The following KCNIP1 variants were observed in gnomAD, a reference collection of about 807,000 sequenced individuals.
The protein encoded by KCNIP1 is potassium voltage-gated channel interacting protein 1, also known as A-type potassium channel modulatory protein KCNIP1.
In KCNIP1, 18 loss-of-function variants were observed where a neutral mutation model predicts 33.0. That is an observed-to-expected ratio of 0.55 (90% CI 0.38 to 0.81). KCNIP1 has a LOEUF of 0.81. Among genes scored for constraint, KCNIP1 ranks in the 30% least tolerant of loss-of-function variants. The pLI, the probability that KCNIP1 is intolerant of heterozygous loss-of-function variation, is 0.00. For synonymous variants in KCNIP1, 93 were observed against 98.3 expected (o/e 0.95, Z 0.32); for missense variants, 238 against 271.6 (o/e 0.88, Z 0.87).
intron 1 of KCNIP1, chr5:170,422,062 G>A (rs1243256080): frequency 6.6e-6 from 1 of 152,200 alleles, no homozygotes; most frequent in African/African-American, 2.4e-5. Context: ...TCAGCACCAT[G>A]CTGTCCTCAG....
intron 1 of KCNIP1, among the ~76,000 whole-genome samples, chr5:170,631,163 CAA>C (rs2113671481): frequency 6.6e-6 from 1 of 152,272 alleles, no homozygotes; most frequent in South Asian, 2.1e-4. Context: ...TTGCCTGGTA[CAA>C]GAGAGAGAAC....
intron 1 of KCNIP1, among the ~76,000 whole-genome samples, chr5:170,663,278 C>G (rs536896641): frequency 6.6e-6 from 1 of 152,168 alleles, no homozygotes; most frequent in African/African-American, 2.4e-5. Flanking sequence ...AAAGTCCCAG[C>G]CTTTAAATCA....
In KCNIP1 at chr5:170,695,441, G is replaced by C. The variant is rs141358167; in HGVS notation, c.62-23317G>C. On this transcript the variant is annotated intron_variant, in intron 1 of 7. Coordinates refer to ENST00000328939, the MANE Select transcript of KCNIP1 (RefSeq NM_014592.4). ...CAGAAGCTCCCTATTTGCCCCATTTGATTCATTACTCCCCAAAGGTAACTG... is the reference window on the plus strand; with the variant it reads ...CAGAAGCTCCCTATTTGCCCCATTTCATTCATTACTCCCCAAAGGTAACTG... Among the ~76,000 whole-genome samples, 16 of 152,306 alleles carry C rather than the reference G, an allele frequency of 1.1e-4. No individual in the cohort carries two copies. The East Asian group carries it at 3.1e-3, about 29-fold the overall frequency.
chr5:170,597,421 C>A lies in KCNIP1; in HGVS notation c.61+92788C>A, dbSNP rs535382005. Among the ~76,000 whole-genome samples, 42 of 152,254 alleles carry A rather than the reference C, an allele frequency of 2.8e-4. No homozygotes were observed. In the South Asian group the frequency reaches 7.9e-3, roughly 29 times the overall value. ...TGAGCCTTATTTCCTGAGCGCTCTC[C>A]CTTTATCTGTGCTTGCAAAGAGGCG... On this transcript the variant is annotated intron_variant, in intron 1 of 7. Coordinates refer to ENST00000328939, the MANE Select transcript of KCNIP1 (RefSeq NM_014592.4).
At chr5:170,385,829 G>A (rs1443216660) in intron 1 of KCNIP1, among the ~76,000 whole-genome samples, 1 of 151,958 alleles carries the variant, frequency 6.6e-6, no homozygotes, top group African/African-American at 2.4e-5. Flanking sequence ...TAAGATAAAG[G>A]CTCTTGAAGG....
chr5:170,467,067 T>C (rs1756623318), intron 1 of KCNIP1, among the ~76,000 whole-genome samples: 1 of 152,140 alleles, frequency 6.6e-6, no homozygotes. Context: ...TGACTATCAC[T>C]GGTTACCTTA....
At chr5:170,577,903 T>C (rs1431769141) in intron 1 of KCNIP1, among the ~76,000 whole-genome samples, 1 of 152,256 alleles carries the variant, frequency 6.6e-6, no homozygotes, top group Non-Finnish European at 1.5e-5. Context: ...ATGTGACGAA[T>C]TTTTTAATCA....
chr5:170,516,246 A>C (rs2113285831), intron 1 of KCNIP1, among the ~76,000 whole-genome samples: 1 of 152,292 alleles, frequency 6.6e-6, no homozygotes, highest in East Asian at 1.9e-4. Flanking sequence ...TGATCACTGC[A>C]GCTTACATTT....
intron 1 of KCNIP1, among the ~76,000 whole-genome samples, chr5:170,511,733 C>T (rs962495330): frequency 6.6e-6 from 1 of 152,272 alleles, no homozygotes; most frequent in Non-Finnish European, 1.5e-5. Context: ...GTTGAGGAAC[C>T]TGAGGCTCTA....
intron 1 of KCNIP1, among the ~76,000 whole-genome samples, chr5:170,462,161 G>T (rs1055108293): frequency 3.3e-5 from 5 of 149,924 alleles, no homozygotes; most frequent in Admixed American, 6.7e-5. Context: ...TGAACAGTCA[G>T]CAGAGTAAAC....
chr5:170,607,032 C>T (rs1758948931), intron 1 of KCNIP1, among the ~76,000 whole-genome samples: 1 of 152,208 alleles, frequency 6.6e-6, no homozygotes, highest in Non-Finnish European at 1.5e-5. Flanking sequence ...GATGTGTTCT[C>T]AAGCGGGCAA....
chr5:170,439,972 G>A lies in KCNIP1; in HGVS notation c.88+86008G>A, dbSNP rs547252160. Among the ~76,000 whole-genome samples the A allele has an allele frequency of 4.6e-5, 7 of 152,324 alleles. No homozygotes were observed. The South Asian group carries it at 6.2e-4, about 14-fold the overall frequency. On this transcript the variant is annotated intron_variant, in intron 1 of 7. Transcript: ENST00000377360. Reference sequence around the variant, plus strand: ...TGAGTTCTGTCTTCCCCAAACTCACGTGCTGAAGGCAGGACCTTGCAATGG... The same window carrying A: ...TGAGTTCTGTCTTCCCCAAACTCACATGCTGAAGGCAGGACCTTGCAATGG...
rs1228987804 is a variant in KCNIP1, at chr5:170,440,578, A to G, written c.88+86614A>G. ...CCAGGAGCATGAGGATGCTGAGACTACAGGACTACAGATGGAGGGTGTTTC... is the reference window on the plus strand; with the variant it reads ...CCAGGAGCATGAGGATGCTGAGACTGCAGGACTACAGATGGAGGGTGTTTC... On this transcript the variant is annotated intron_variant, in intron 1 of 7. Transcript: ENST00000377360. 2.0e-5 allele frequency among the ~76,000 whole-genome samples: 3 copies of G among 152,186 alleles called. No individual in the cohort carries two copies. The East Asian group carries it at 5.8e-4, about 29-fold the overall frequency.
chr5:170,498,898 G>A (rs1372573969), intron 1 of KCNIP1, among the ~76,000 whole-genome samples: 1 of 152,116 alleles, frequency 6.6e-6, no homozygotes, highest in Non-Finnish European at 1.5e-5. Flanking sequence ...CATGGGACTG[G>A]GTTCATATGA....
rs140134717 is a variant in KCNIP1 at position 170,453,846 on chromosome 5, C to T, written c.88+99882C>T. ...CAGCAAACACCCAGCAAGAAACAGA[C>T]GTCCTTGGTTCTACACATACAGGAA... On this transcript the variant is annotated intron_variant, in intron 1 of 7. Transcript: ENST00000377360. Among the ~76,000 whole-genome samples, 53 of 152,232 alleles carry T rather than the reference C, an allele frequency of 3.5e-4. No individual in the cohort carries two copies. In the East Asian group the frequency reaches 7.7e-3, roughly 22 times the overall value.
intron 1 of KCNIP1, among the ~76,000 whole-genome samples, chr5:170,490,185 C>A (rs761906296): frequency 6.6e-6 from 1 of 152,220 alleles, no homozygotes; most frequent in Non-Finnish European, 1.5e-5. Flanking sequence ...TCATGCTCCT[C>A]CCCTGCAAAG....
intron 1 of KCNIP1, among the ~76,000 whole-genome samples, chr5:170,366,272 C>T (rs550799909): frequency 2.0e-5 from 3 of 152,320 alleles, no homozygotes; most frequent in South Asian, 4.1e-4. Flanking sequence ...GGCAGTAAAA[C>T]CTTGTCTTTG....
chr5:170,690,669 A>T (rs886258613), intron 1 of KCNIP1, among the ~76,000 whole-genome samples: 2 of 152,264 alleles, frequency 1.3e-5, no homozygotes, highest in African/African-American at 4.8e-5. Context: ...CATTCAGTAG[A>T]CATAGACTAA....
chr5:170,529,346 G>A (rs1755700095), intron 1 of KCNIP1, among the ~76,000 whole-genome samples: 1 of 152,182 alleles, frequency 6.6e-6, no homozygotes, highest in Admixed American at 6.5e-5. Flanking sequence ...AAAAGTCCCA[G>A]GGCTGGCTCC....
Sources: gnomAD v4.1 joint callset for allele counts (sites outside exome capture counted in the v4.1 genomes callset) on GRCh38, gnomAD v4.1.1 for gene constraint, MANE v1.5 for transcripts, NCBI Gene and HGNC (gene_info 2026-07-23, HGNC 2026-07-21) for gene names.